The following KLHL4 variants were observed in gnomAD, a reference collection of about 807,000 sequenced individuals.
KLHL4 encodes kelch-like protein 4.
A neutral mutation model predicts 45.8 loss-of-function variants in KLHL4; 17 were observed. That is an observed-to-expected ratio of 0.37 (90% confidence interval 0.25 to 0.56). The LOEUF is 0.56. KLHL4 is among the 20% of genes least tolerant of loss of function. KLHL4 has a pLI of 0.79. For synonymous variants in KLHL4, 224 were observed against 189.9 expected (o/e 1.18, Z -1.47); for missense variants, 544 against 544.9 (o/e 1.00, Z 0.02).
At chrX:87,565,926 C>A (rs1490737068) in intron 1 of KLHL4, among the ~76,000 whole-genome samples, 2 of 108,837 alleles carry the variant, frequency 1.8e-5, no homozygotes, top group African/African-American at 6.7e-5. Context: ...CAAAAAACTC[C>A]CAACTGAGGG....
At chrX:87,583,849 G>A in intron 1 of KLHL4, among the ~76,000 whole-genome samples, 1 of 111,042 alleles carries the variant, frequency 9.0e-6, no homozygotes, top group Non-Finnish European at 1.9e-5. Flanking sequence ...ATGACCACAA[G>A]GGGGCAGAGC....
At chrX:87,589,875 C>CAA (rs35306138) in intron 1 of KLHL4, among the ~76,000 whole-genome samples, 2 of 93,362 alleles carry the variant, frequency 2.1e-5, no homozygotes, top group Non-Finnish European at 4.3e-5. Context: ...ACTAAAAATA[C>CAA]AAAAAAAAAA....
intron 1 of KLHL4, among the ~76,000 whole-genome samples, chrX:87,565,784 A>T (rs760408219): frequency 9.1e-6 from 1 of 110,241 alleles, no homozygotes; most frequent in African/African-American, 3.3e-5. Context: ...GATTATAAAC[A>T]ATTGTTTCCC....
intron 1 of KLHL4, among the ~76,000 whole-genome samples, chrX:87,577,384 G>T (rs1262413162): frequency 9.0e-6 from 1 of 111,464 alleles, no homozygotes; most frequent in Non-Finnish European, 1.9e-5. Context: ...GTTTTTAGTA[G>T]TGGTATTTCC....
chrX:87,532,372 A>G (rs960693897), intron 1 of KLHL4, among the ~76,000 whole-genome samples: 5 of 109,217 alleles, frequency 4.6e-5, no homozygotes, highest in African/African-American at 1.7e-4. Context: ...TAGCATGATG[A>G]CTCCAGCTTT....
chrX:87,634,035 A>G, intron 8 of KLHL4, 124 bp downstream of exon 8: 1 of 527,574 alleles, frequency 1.9e-6, no homozygotes, highest in East Asian at 3.7e-5. Context: ...TCAATAATAA[A>G]AGGTCTTCAT....
chrX:87,563,142 T>A (rs1411603522), intron 1 of KLHL4, among the ~76,000 whole-genome samples: 1 of 110,396 alleles, frequency 9.1e-6, no homozygotes, highest in Non-Finnish European at 1.9e-5. Flanking sequence ...ACTGAAAAAA[T>A]TCTTCTCAAG....
chrX:87,625,480 C>T (rs1922894850), intron 5 of KLHL4, 130 bp from the exon 6 acceptor site: 2 of 469,068 alleles, frequency 4.3e-6, no homozygotes, highest in Non-Finnish European at 6.9e-6. Context: ...TTCTACACAC[C>T]TTGGCCTCCC....
At chrX:87,528,678 T>G (rs1931167613) in intron 1 of KLHL4, among the ~76,000 whole-genome samples, 1 of 80,871 alleles carries the variant, frequency 1.2e-5, no homozygotes, top group Non-Finnish European at 2.2e-5. Flanking sequence ...ATTGCGCCAC[T>G]GCATTCCAGC....
intron 1 of KLHL4, among the ~76,000 whole-genome samples, chrX:87,541,570 G>A (rs1357349996): frequency 9.2e-6 from 1 of 108,909 alleles, no homozygotes; most frequent in Non-Finnish European, 1.9e-5. Context: ...TGAAGAAGGT[G>A]CTTGCTTCCC....
intron 1 of KLHL4, among the ~76,000 whole-genome samples, chrX:87,557,109 T>C (rs1251326191): frequency 8.9e-6 from 1 of 112,274 alleles, no homozygotes; most frequent in Admixed American, 9.5e-5. Context: ...CATAAAAATA[T>C]ACTTGGTTGA....
intron 9 of KLHL4, among the ~76,000 whole-genome samples, chrX:87,652,079 T>C (rs1452764255): frequency 8.9e-6 from 1 of 112,637 alleles, no homozygotes; most frequent in Non-Finnish European, 1.9e-5. Flanking sequence ...TGCCAGGGCT[T>C]GGGGCTTGCA....
intron 5 of KLHL4, among the ~76,000 whole-genome samples, chrX:87,622,985 A>AT (rs778242389): frequency 2.4e-4 from 27 of 112,030 alleles, no homozygotes; most frequent in Non-Finnish European, 3.8e-4. Flanking sequence ...CTCATACTGA[A>AT]TTTTGGAATG....
intron 1 of KLHL4, among the ~76,000 whole-genome samples, chrX:87,560,307 A>G (rs1275937652): frequency 8.9e-6 from 1 of 111,950 alleles, no homozygotes; most frequent in Non-Finnish European, 1.9e-5. Flanking sequence ...TTTGGAGATT[A>G]CTTCCTCTTT....
chrX:87,529,721 G>C (rs978779983), intron 1 of KLHL4, among the ~76,000 whole-genome samples: 4 of 111,920 alleles, frequency 3.6e-5, no homozygotes, highest in Non-Finnish European at 3.8e-5. Context: ...TAATCTCAGA[G>C]AAGATTTGGA....
intron 9 of KLHL4, among the ~76,000 whole-genome samples, chrX:87,639,606 A>G (rs1923382238): frequency 9.0e-6 from 1 of 111,582 alleles, no homozygotes; most frequent in Non-Finnish European, 1.9e-5. Flanking sequence ...ATGCTTCTGA[A>G]TGATCATTGG....
intron 1 of KLHL4, among the ~76,000 whole-genome samples, chrX:87,605,777 C>T: frequency 9.0e-6 from 1 of 111,287 alleles, no homozygotes; most frequent in Non-Finnish European, 1.9e-5. Flanking sequence ...GAAGTGGTAA[C>T]AGTGGTCATC....
intron 7 of KLHL4, among the ~76,000 whole-genome samples, chrX:87,633,036 A>G (rs1373843391): frequency 1.8e-5 from 2 of 111,689 alleles, no homozygotes; most frequent in Non-Finnish European, 3.8e-5. Flanking sequence ...CAGTTCAGTT[A>G]TGTCAGTGTT....
chrX:87,655,644 C>T (rs1056024837), intron 9 of KLHL4, among the ~76,000 whole-genome samples: 3 of 110,858 alleles, frequency 2.7e-5, no homozygotes, highest in Non-Finnish European at 5.7e-5. Context: ...TCCATTTTGT[C>T]AACCTATTTA....
Sources: gnomAD v4.1 joint callset for allele counts (sites outside exome capture counted in the v4.1 genomes callset) on GRCh38, gnomAD v4.1.1 for gene constraint, MANE v1.5 for transcripts, NCBI Gene and HGNC (gene_info 2026-07-23, HGNC 2026-07-21) for gene names.